CCDC7: variants seen among roughly 807,000 people sequenced by gnomAD.
CCDC7 encodes the protein coiled-coil domain-containing protein 7.
A neutral mutation model predicts 196.9 loss-of-function variants in CCDC7; 183 were observed. That is an observed-to-expected ratio of 0.93 (90% CI 0.82 to 1.05). The LOEUF (loss-of-function observed/expected upper bound fraction) is 1.05. Among genes scored for constraint, CCDC7 ranks in the 50% least tolerant of loss-of-function variants. CCDC7 has a pLI of 0.00. For synonymous variants in CCDC7, 525 were observed against 484.6 expected (o/e 1.08, Z -1.10); for missense variants, 1,540 against 1,482.2 (o/e 1.04, Z -0.64).
intron 28 of CCDC7, among the ~76,000 whole-genome samples, chr10:32,733,925 A>T (rs2084409613): frequency 6.6e-6 from 1 of 152,176 alleles, no homozygotes; most frequent in Admixed American, 6.5e-5. Flanking sequence ...AAAGTCAAAA[A>T]CAACACATGT....
At chr10:32,607,966 T>C (rs1248505867) in intron 18 of CCDC7, among the ~76,000 whole-genome samples, 2 of 152,196 alleles carry the variant, frequency 1.3e-5, no homozygotes, top group Non-Finnish European at 2.9e-5. Context: ...TGTTGACTTT[T>C]TATTACTGAT....
intron 13 of CCDC7, among the ~76,000 whole-genome samples, chr10:32,545,304 C>G (rs1373861366): frequency 6.6e-6 from 1 of 152,128 alleles, no homozygotes; most frequent in African/African-American, 2.4e-5. Flanking sequence ...AATATCTAGA[C>G]CTTTGTAGAT....
At chr10:32,564,889 A>C (rs922875976) in intron 13 of CCDC7, among the ~76,000 whole-genome samples, 14 of 152,144 alleles carry the variant, frequency 9.2e-5, no homozygotes, top group Non-Finnish European at 2.1e-4. Flanking sequence ...AGGCAGGAGG[A>C]TGGCTTGAGC....
chr10:32,580,893 A>G, intron 16 of CCDC7, among the ~76,000 whole-genome samples: 1 of 151,990 alleles, frequency 6.6e-6, no homozygotes, highest in East Asian at 1.9e-4. Context: ...AAAAGAAGGT[A>G]TTAGAAAGAA....
intron 41 of CCDC7, among the ~76,000 whole-genome samples, chr10:32,867,690 T>C (rs911066381): frequency 6.6e-6 from 1 of 151,760 alleles, no homozygotes; most frequent in African/African-American, 2.4e-5. Flanking sequence ...TGTTACTAAA[T>C]AGAAATAATT....
At chr10:32,455,246 T>A (rs2034055212) in intron 2 of CCDC7, among the ~76,000 whole-genome samples, 1 of 152,058 alleles carries the variant, frequency 6.6e-6, no homozygotes, top group Admixed American at 6.5e-5. Context: ...TTATAGGTCT[T>A]TATTGTGACA....
chr10:32,584,207 A>G (rs1274064581), intron 17 of CCDC7, 25 bp from the exon 19 acceptor site: 1 of 1,369,818 alleles, frequency 7.3e-7, no homozygotes, highest in African/African-American at 1.5e-5. Flanking sequence ...ATTTCTAATT[A>G]CTTATTACAA....
At chr10:32,455,623 C>A (rs1403973952) in intron 2 of CCDC7, among the ~76,000 whole-genome samples, 1 of 152,096 alleles carries the variant, frequency 6.6e-6, no homozygotes, top group African/African-American at 2.4e-5. Flanking sequence ...GGCTCAGTAT[C>A]TTTAAATGTA....
At chr10:32,561,190 G>C (rs1264925834) in intron 13 of CCDC7, among the ~76,000 whole-genome samples, 1 of 152,120 alleles carries the variant, frequency 6.6e-6, no homozygotes, top group Non-Finnish European at 1.5e-5. Context: ...CCTAGAAAGA[G>C]ACTTAGACTC....
intron 8 of CCDC7, among the ~76,000 whole-genome samples, chr10:32,487,860 G>T (rs2041444501): frequency 6.6e-6 from 1 of 152,210 alleles, no homozygotes; most frequent in African/African-American, 2.4e-5. Flanking sequence ...TGTCTCAGAG[G>T]AGTACCTGGC....
chr10:32,513,419 A>C (rs1018495348), intron 9 of CCDC7: 46 of 152,158 alleles, frequency 3.0e-4, no homozygotes, highest in Admixed American at 2.9e-3. Flanking sequence ...AAATATTTAA[A>C]GAAGAGTTAA....
At chr10:32,834,943 G>A in intron 33 of CCDC7, 45 bp downstream of exon 34, 3 of 779,684 alleles carry the variant, frequency 3.8e-6, no homozygotes, top group Non-Finnish European at 6.4e-6. Flanking sequence ...GGCTTATTTA[G>A]CTCTGAAGTT....
At chr10:32,721,539 A>G (rs1298660422) in intron 25 of CCDC7, among the ~76,000 whole-genome samples, 2 of 152,172 alleles carry the variant, frequency 1.3e-5, no homozygotes, top group South Asian at 4.1e-4. Flanking sequence ...TATGGGTGTC[A>G]TCTAGATTTC....
chr10:32,843,873 C>T (rs1327257127), intron 33 of CCDC7, among the ~76,000 whole-genome samples: 4 of 151,806 alleles, frequency 2.6e-5, no homozygotes, highest in African/African-American at 9.7e-5. Flanking sequence ...AAAATATATT[C>T]TTATGTGTCT....
In CCDC7 at chr10:32,492,130, T is replaced by A. The variant is rs2042250563; in HGVS notation, c.872+133T>A. 6 of 884,828 alleles carry A rather than the reference T, an allele frequency of 6.8e-6. No homozygotes were observed. The South Asian group carries it at 1.1e-4, about 17-fold the overall frequency. 54.8% of individuals were successfully genotyped at this position (884,828 alleles called of 1,614,324 possible). On this transcript the variant is annotated intron_variant, in intron 9 of 41. Transcript: ENST00000639629. The stretch of plus-strand genomic sequence containing the variant: ...GTTTATTGCAGAAATATTGAAAACA[T>A]AAAGAAGAAAATAACACCTCTATCA...
At chr10:32,547,782 T>G (rs781020212) in intron 13 of CCDC7, among the ~76,000 whole-genome samples, 4 of 152,174 alleles carry the variant, frequency 2.6e-5, no homozygotes, top group Non-Finnish European at 5.9e-5. Context: ...GTTTTTGTCA[T>G]TTATTTATTT....
chr10:32,533,763 G>A (rs2050060233), intron 11 of CCDC7, among the ~76,000 whole-genome samples: 1 of 152,018 alleles, frequency 6.6e-6, no homozygotes, highest in Admixed American at 6.6e-5. Context: ...TGAAAAGTCT[G>A]TTGCTAGGCA....
intron 28 of CCDC7, among the ~76,000 whole-genome samples, chr10:32,730,703 A>G (rs976553236): frequency 2.6e-5 from 4 of 151,510 alleles, no homozygotes; most frequent in African/African-American, 7.3e-5. Context: ...AGTAATTAAC[A>G]TATATTGTGA....
intron 18 of CCDC7, among the ~76,000 whole-genome samples, chr10:32,611,028 C>G (rs538171955): frequency 2.8e-4 from 43 of 152,304 alleles, no homozygotes; most frequent in African/African-American, 1.0e-3. Flanking sequence ...AACTAATTGA[C>G]ACTCCCACCA....
Sources: allele counts gnomAD v4.1 joint callset (sites outside exome capture counted in the v4.1 genomes callset), GRCh38; gene constraint gnomAD v4.1.1; transcripts MANE v1.5; gene names NCBI Gene and HGNC (gene_info 2026-07-23, HGNC 2026-07-21).